The following DHRSX variants were observed in gnomAD, a reference collection of about 807,000 sequenced individuals.
DHRSX encodes polyprenol dehydrogenase.
In DHRSX, 31 loss-of-function variants were observed where a neutral mutation model predicts 34.0. The ratio of observed to expected loss-of-function variants is 0.91; its 90% confidence interval spans 0.69 to 1.23. The LOEUF (loss-of-function observed/expected upper bound fraction) is 1.23. Among genes scored for constraint, DHRSX ranks in the 50% most tolerant of loss-of-function variants. The pLI is 0.00. For missense variants in DHRSX, 414 were observed against 428.1 expected (o/e 0.97, Z 0.29); for synonymous variants, 201 against 183.8 (o/e 1.09, Z -0.76).
intron 3 of DHRSX, among the ~76,000 whole-genome samples, chrX:2,372,221 T>A (rs1033589246): frequency 5.9e-5 from 9 of 152,020 alleles, no homozygotes; most frequent in Admixed American, 5.2e-4. Flanking sequence ...ACCAGAAAAA[T>A]TCACAATTTT....
chrX:2,301,882 C>T (rs1207275296), intron 3 of DHRSX, among the ~76,000 whole-genome samples: 6 of 151,934 alleles, frequency 3.9e-5, no homozygotes, highest in Admixed American at 6.6e-5. Context: ...GTGATCTGCC[C>T]GCCTCGGCCT....
chrX:2,261,582 G>C (rs2041363966), intron 5 of DHRSX: 1 of 152,092 alleles, frequency 6.6e-6, no homozygotes, highest in Non-Finnish European at 1.5e-5. Context: ...GACCAGCCTG[G>C]CCAACGTGGC....
At chrX:2,359,465 C>T (rs1266541323) in intron 3 of DHRSX, among the ~76,000 whole-genome samples, 1 of 152,130 alleles carries the variant, frequency 6.6e-6, no homozygotes, top group Admixed American at 6.6e-5. Context: ...ATCGCGAGGT[C>T]AGGAGTTCGA....
At chrX:2,240,156 G>A (rs2016107468) in intron 6 of DHRSX, among the ~76,000 whole-genome samples, 1 of 152,032 alleles carries the variant, frequency 6.6e-6, no homozygotes, top group African/African-American at 2.4e-5. Context: ...AGCCAGGCTT[G>A]ATGGCAGGTG....
intron 3 of DHRSX, among the ~76,000 whole-genome samples, chrX:2,299,275 C>T (rs1198470505): frequency 6.6e-6 from 1 of 152,216 alleles, no homozygotes; most frequent in African/African-American, 2.4e-5. Flanking sequence ...TTAACCCTAA[C>T]GGAGTGTGAA....
chrX:2,475,493 G>A (rs1192102874), intron 1 of DHRSX, among the ~76,000 whole-genome samples: 1 of 151,222 alleles, frequency 6.6e-6, no homozygotes, highest in Non-Finnish European at 1.5e-5. Flanking sequence ...CCCTAACCAT[G>A]GGGCCAACAG....
chrX:2,236,556 C>T (rs1346117113), intron 6 of DHRSX, among the ~76,000 whole-genome samples: 2 of 152,086 alleles, frequency 1.3e-5, no homozygotes, highest in Non-Finnish European at 2.9e-5. Context: ...CTCAGCCTCC[C>T]GAGTAGCTGG....
intron 1 of DHRSX, among the ~76,000 whole-genome samples, chrX:2,436,825 G>T (rs781514328): frequency 2.0e-5 from 3 of 151,902 alleles, no homozygotes; most frequent in South Asian, 4.2e-4. Flanking sequence ...TAGAGATGGG[G>T]TCTCACTATG....
In DHRSX at chrX:2,273,576, C is replaced by A. The variant is rs765653219; in HGVS notation, c.389-6629G>T. ...AGGGTGGGGCTGTGAGTGAACCTGT[C>A]ACCCAGGAAATGGCCACTGTACCCA... On this transcript the variant is annotated intron_variant, in intron 4 of 6. Transcript: ENST00000334651. Among the ~76,000 whole-genome samples, 5 of 152,290 alleles carry A rather than the reference C, an allele frequency of 3.3e-5. No individual in the cohort carries two copies. The South Asian group carries it at 1.0e-3, about 32-fold the overall frequency.
At chrX:2,485,870 G>GGGAA (rs1556536565) in intron 1 of DHRSX, among the ~76,000 whole-genome samples, 3 of 132,500 alleles carry the variant, frequency 2.3e-5, no homozygotes, top group South Asian at 2.5e-4. Flanking sequence ...AGGGAAGGGA[G>GGGAA]GGAAGGAAGG....
In DHRSX at chrX:2,245,981, A is replaced by C. The variant is rs376592927; in HGVS notation, c.597-2751T>G. On this transcript the variant is annotated intron_variant, in intron 5 of 6. Coordinates refer to ENST00000334651, the MANE Select transcript of DHRSX (RefSeq NM_145177.3). ...CATCTCAAAAAAAACAAAAAAACAA[A>C]AAAACACACAAACAAAAAAAAAACA... 8.6e-3 allele frequency among the ~76,000 whole-genome samples: 1,244 copies of C among 144,236 alleles called. 23 individuals carry two copies. Among genetic ancestry groups the C allele is most frequent in the African/African-American group, 0.033 (1,178 of 35,254 alleles). 94.6% of individuals were successfully genotyped at this position (144,236 alleles called of 152,430 possible). A position where few individuals can be genotyped will look rare whatever the true frequency, so the allele number is the denominator to read the frequency against.
At chrX:2,293,924 C>G (rs1439506101) in intron 3 of DHRSX, among the ~76,000 whole-genome samples, 1 of 151,952 alleles carries the variant, frequency 6.6e-6, no homozygotes, top group Non-Finnish European at 1.5e-5. Flanking sequence ...CTCTATGAGC[C>G]TTACTCTCCA....
intron 5 of DHRSX, chrX:2,261,883 G>T (rs62595502): frequency 0.13 from 19,963 of 152,166 alleles, 1,829 homozygotes; most frequent in Non-Finnish European, 0.19. Flanking sequence ...TACGAGGAAG[G>T]GGTGTTCCTG....
rs1269265867 is a variant in DHRSX, at chrX:2,489,459, T to C, written c.109+11358A>G. The C allele has an allele frequency of 1.9e-6, 3 of 1,613,722 alleles. No individual in the cohort carries two copies. The African/African-American group carries it at 4.0e-5, about 22-fold the overall frequency. On this transcript the variant is annotated intron_variant, in intron 1 of 6. Transcript: ENST00000334651. ...AGCATGTGCAGCAGCGGCTTCACCA[T>C]GCTGATGGTGGGGTACCTGGAGGCC... is the stretch of plus-strand genomic sequence containing the variant.
At chrX:2,307,820 CAA>C (rs1326520533) in intron 3 of DHRSX, among the ~76,000 whole-genome samples, 4 of 139,118 alleles carry the variant, frequency 2.9e-5, no homozygotes, top group Non-Finnish European at 6.6e-5. Flanking sequence ...CAAGGAAAAA[CAA>C]AAGAGTATGA....
chrX:2,290,363 C>G (rs1475309917), intron 4 of DHRSX, among the ~76,000 whole-genome samples: 1 of 152,168 alleles, frequency 6.6e-6, no homozygotes, highest in Non-Finnish European at 1.5e-5. Flanking sequence ...AACTTTAGTA[C>G]AAAGAATAAT....
At chrX:2,497,717 G>A (rs778144011) in intron 1 of DHRSX, among the ~76,000 whole-genome samples, 5 of 152,124 alleles carry the variant, frequency 3.3e-5, no homozygotes, top group Non-Finnish European at 5.9e-5. Context: ...CTTGACTACA[G>A]GTACCATCAA....
chrX:2,452,822 A>G (rs7879729), intron 1 of DHRSX, among the ~76,000 whole-genome samples: 70,863 of 152,116 alleles, frequency 0.47, 19,473 homozygotes, highest in African/African-American at 0.75. Context: ...AAGACGTTCC[A>G]AAGGTCCAGT....
intron 6 of DHRSX, among the ~76,000 whole-genome samples, chrX:2,224,342 G>A (rs2015587789): frequency 6.6e-6 from 1 of 152,216 alleles, no homozygotes; most frequent in Non-Finnish European, 1.5e-5. Context: ...TGGTTCCCCT[G>A]TGGGCAGTGT....
Sources: allele counts gnomAD v4.1 joint callset (sites outside exome capture counted in the v4.1 genomes callset), GRCh38; gene constraint gnomAD v4.1.1; transcripts MANE v1.5; gene names NCBI Gene and HGNC (gene_info 2026-07-23, HGNC 2026-07-21).